Variants in ZC3H6 observed in about 807,000 individuals in gnomAD.
ZC3H6 encodes the protein zinc finger CCCH-type containing 6.
ZC3H6 carries 40 observed loss-of-function variants against 107.7 expected under a neutral mutation model. That is an observed-to-expected ratio of 0.37 (90% CI 0.29 to 0.48). ZC3H6 has a LOEUF of 0.48. Ranked by LOEUF, ZC3H6 falls within the 20% of genes least tolerant of loss-of-function variation. The pLI is 0.98. For synonymous variants in ZC3H6, 493 were observed against 487.9 expected (o/e 1.01, Z -0.14); for missense variants, 1,267 against 1,410.4 (o/e 0.90, Z 1.63).
At chr2:112,313,711 C>T (rs1053731921) in intron 5 of ZC3H6, among the ~76,000 whole-genome samples, 5 of 152,070 alleles carry the variant, frequency 3.3e-5, no homozygotes, top group African/African-American at 7.2e-5. Flanking sequence ...CCAGAGCCCA[C>T]GGAAGCAGTT....
At chr2:112,298,993 G>T (rs1322219759) in intron 1 of ZC3H6, among the ~76,000 whole-genome samples, 1 of 152,020 alleles carries the variant, frequency 6.6e-6, no homozygotes, top group Non-Finnish European at 1.5e-5. Context: ...GAATAATTTG[G>T]CCGGGTGTGG....
intron 4 of ZC3H6, among the ~76,000 whole-genome samples, chr2:112,311,462 A>G (rs1676589616): frequency 6.6e-6 from 1 of 152,214 alleles, no homozygotes; most frequent in Non-Finnish European, 1.5e-5. Context: ...ACTGATACCT[A>G]CAATGTCTTC....
At chr2:112,312,571 C>G (rs927971556) in intron 5 of ZC3H6, among the ~76,000 whole-genome samples, 2 of 152,070 alleles carry the variant, frequency 1.3e-5, no homozygotes, top group Non-Finnish European at 2.9e-5. Flanking sequence ...TCATTAAAAG[C>G]TGGAGCTTTG....
In ZC3H6 at chr2:112,339,510, G is replaced by A. The variant is rs1473290493; in HGVS notation, c.*7022G>A. 1.3e-5 allele frequency: 2 copies of A among 152,122 alleles called. No individual in the cohort carries two copies. The highest frequency in any genetic ancestry group is 4.8e-5 in the African/African-American group (2 of 41,410). The allele number at this position is 152,122 out of a possible 1,614,324, so 9.4% of individuals were successfully genotyped here. On this transcript the variant is annotated 3_prime_UTR_variant, in exon 12 of 12. Transcript: ENST00000409871. Reference sequence around the variant, plus strand: ...CATAGATCCAGGGCTCCAGGGCCCAGGTCATTTTGTTATTAGTCTAGGGCT... The same window carrying A: ...CATAGATCCAGGGCTCCAGGGCCCAAGTCATTTTGTTATTAGTCTAGGGCT...
rs1686402405 is a variant in ZC3H6, at chr2:112,275,700, C to T, written c.-295C>T. 7.2e-6 allele frequency: 3 copies of T among 417,274 alleles called. No homozygotes were observed. The highest frequency in any genetic ancestry group is 3.6e-5 in the East Asian group (1 of 28,160). The allele number at this position is 417,274 out of a possible 1,614,324, so 25.8% of individuals were successfully genotyped here. On this transcript the variant is annotated 5_prime_UTR_variant, in exon 1 of 12. Coordinates refer to ENST00000409871, the MANE Select transcript of ZC3H6 (RefSeq NM_198581.3). ...CCCGCGTCGCTGCACGCCGCCCGCCCGCTCCCACGCCACAGCCACCGGCGG... is the reference window on the plus strand; with the variant it reads ...CCCGCGTCGCTGCACGCCGCCCGCCTGCTCCCACGCCACAGCCACCGGCGG...
chr2:112,328,539 C>A (rs915132904), intron 11 of ZC3H6, among the ~76,000 whole-genome samples: 24 of 152,080 alleles, frequency 1.6e-4, no homozygotes, highest in Admixed American at 5.2e-4. Flanking sequence ...TTTTTTGTTA[C>A]ATTTTCAAAG....
chr2:112,307,912 G>T (rs1676507396), intron 3 of ZC3H6, among the ~76,000 whole-genome samples: 1 of 152,140 alleles, frequency 6.6e-6, no homozygotes, highest in Admixed American at 6.5e-5. Flanking sequence ...TTTAAAACTT[G>T]TATGAGAAGC....
chr2:112,324,683 A>G lies in ZC3H6; in HGVS notation c.1852+20A>G. ...CTGGTGGTAAGTTTACTTTTTTGAA[A>G]TAATTTATTCCTAATTTAAAATACA... On this transcript the variant is annotated intron_variant, in intron 10 of 11. Coordinates refer to ENST00000409871, the MANE Select transcript of ZC3H6 (RefSeq NM_198581.3). 2.6e-6 allele frequency: 4 copies of G among 1,537,844 alleles called. No homozygotes were observed. Among genetic ancestry groups the G allele is most frequent in the Non-Finnish European group, 3.5e-6 (4 of 1,138,602 alleles).
Position 112,303,281 on chromosome 2 carries a change from T to C in ZC3H6, c.266T>C (p.Val89Ala), listed in dbSNP as rs1241154392. 2 of 1,613,214 alleles carry C rather than the reference T, an allele frequency of 1.2e-6. No individual in the cohort carries two copies. Among genetic ancestry groups the C allele is most frequent in the African/African-American group, 2.7e-5 (2 of 74,902 alleles). Residue 89 changes from valine to alanine, a missense_variant, in exon 3 of 12, where the codon GTT (valine) becomes GCT (alanine). Physicochemically the swap from Val to Ala is moderately conservative, Grantham distance 64 (BLOSUM62 0). Coordinates refer to ENST00000409871, the MANE Select transcript of ZC3H6 (RefSeq NM_198581.3). ...TCGGACTACAGCCTTGATTCAGATGTTGAACATACAGAAAGTTCCCATAAA... is the reference window on the plus strand; with the variant it reads ...TCGGACTACAGCCTTGATTCAGATGCTGAACATACAGAAAGTTCCCATAAA... ...DSSDYSLDSD[V>A]EHTESSHKKR...
At chr2:112,278,822 A>G (rs1397774877) in intron 1 of ZC3H6, among the ~76,000 whole-genome samples, 5 of 152,112 alleles carry the variant, frequency 3.3e-5, no homozygotes, top group South Asian at 2.1e-4. Flanking sequence ...GAGTCTCGCT[A>G]TATGCCTAGG....
intron 7 of ZC3H6, among the ~76,000 whole-genome samples, chr2:112,318,914 C>T (rs1676750274): frequency 1.3e-5 from 2 of 152,066 alleles, no homozygotes; most frequent in African/African-American, 2.4e-5. Flanking sequence ...ATATTAAATG[C>T]CTTTTGATAT....
At position 112,312,022 on chromosome 2, in the gene ZC3H6, T is replaced by A. The variant is rs538874139; in HGVS notation, c.747+85T>A. 2.9e-5 allele frequency: 40 copies of A among 1,357,082 alleles called. No homozygotes were observed. The Admixed American group carries it at 5.5e-4, about 19-fold the overall frequency. The allele number at this position is 1,357,082 out of a possible 1,614,324, so 84.1% of individuals were successfully genotyped here. ...GGCAAAGAAAGCATTGTGATTTTAA[T>A]GATACTTCTCTAGTAAATGAAAAAT... On this transcript the variant is annotated intron_variant, in intron 5 of 11. Transcript: ENST00000409871.
chr2:112,289,738 G>GTTTGT (rs71226779), intron 1 of ZC3H6, among the ~76,000 whole-genome samples: 62,620 of 147,668 alleles, frequency 0.42, 9,738 homozygotes, highest in African/African-American at 0.59. Flanking sequence ...ACCGTTTTTT[G>GTTTGT]TTTGTTTTGT....
chr2:112,279,263 A>G (rs755068144), intron 1 of ZC3H6, among the ~76,000 whole-genome samples: 1 of 152,200 alleles, frequency 6.6e-6, no homozygotes, highest in Non-Finnish European at 1.5e-5. Context: ...TTTCAACTGG[A>G]TGTTGACCCA....
intron 1 of ZC3H6, among the ~76,000 whole-genome samples, chr2:112,276,235 C>T (rs1686419259): frequency 6.7e-6 from 1 of 148,610 alleles, no homozygotes; most frequent in Non-Finnish European, 1.5e-5. Context: ...GCCGGGGTCG[C>T]TGCTCGCCAG....
intron 11 of ZC3H6, among the ~76,000 whole-genome samples, chr2:112,326,327 G>T (rs1235723887): frequency 6.6e-6 from 1 of 151,714 alleles, no homozygotes; most frequent in Non-Finnish European, 1.5e-5. Context: ...TAAACTTTTG[G>T]TACCCATTAA....
At position 112,310,057 on chromosome 2, in the gene ZC3H6, A is replaced by C. The variant is rs750596222; in HGVS notation, c.509A>C (p.Gln170Pro). 10 of 1,613,540 alleles carry C rather than the reference A, an allele frequency of 6.2e-6. No individual in the cohort carries two copies. In the East Asian group the frequency reaches 2.2e-4, roughly 36 times the overall value. ...GQETEEDFANQLKQYRQAKET... is the reference protein window; with the variant it reads ...GQETEEDFANPLKQYRQAKET... The stretch of plus-strand genomic sequence containing the variant: ...GAAACAGAGGAAGATTTTGCCAATC[A>C]GCTGAAACAATACAGGCAAGCTAAA... The change falls in exon 4 of 12, where the codon CAG becomes CCG. Residue 170 changes from glutamine (Q) to proline (P), a missense_variant. Coordinates refer to ENST00000409871, the MANE Select transcript of ZC3H6 (RefSeq NM_198581.3).
chr2:112,321,788 G>T lies in ZC3H6; in HGVS notation c.1009G>T (p.Ala337Ser). The T allele has an allele frequency of 6.5e-7, 1 of 1,546,558 alleles. No individual in the cohort carries two copies. Among genetic ancestry groups the T allele is most frequent in the South Asian group, 1.3e-5 (1 of 78,400 alleles). Residue 337 changes from alanine to serine, a missense_variant, in exon 8 of 12, where the codon GCA (alanine) becomes TCA (serine). By Grantham distance (99) the Ala-to-Ser change is moderately conservative. Around this residue, in one of 3 missense-constraint regions of ZC3H6, gnomAD observed 925 missense variants for 1,025.7 expected, o/e 0.90. Transcript: ENST00000409871. ...TCCATGCAAGTTCTATCATAGTGGA[G>T]CAAAATGTTACCAGGGAGACAACTG... ...EFPCKFYHSG[A>S]KCYQGDNCKF... is the part of the protein sequence containing the mutation.
intron 10 of ZC3H6, 47 bp from the exon 11 acceptor site, chr2:112,324,917 G>GTT (rs1310270695): frequency 3.3e-6 from 5 of 1,520,768 alleles, no homozygotes; most frequent in Non-Finnish European, 4.5e-6. Flanking sequence ...GACTGGTGAA[G>GTT]TTTTGTGCTC....
Sources: gnomAD v4.1 joint callset for allele counts (sites outside exome capture counted in the v4.1 genomes callset) on GRCh38, gnomAD v4.1.1 for gene constraint, gnomAD v4.1.1 regional missense constraint, MANE v1.5 for transcripts, NCBI Gene and HGNC (gene_info 2026-07-23, HGNC 2026-07-21) for gene names.